Variants in RBMX observed in about 807,000 individuals in gnomAD.
RBMX encodes the protein RNA-binding motif protein, X chromosome.
RBMX carries 1 observed loss-of-function variant against 29.3 expected under a neutral mutation model. That is an observed-to-expected ratio of 0.03 (90% confidence interval 0.01 to 0.16). RBMX has a LOEUF of 0.16. RBMX is among the 10% of genes least tolerant of loss of function. The probability of loss-of-function intolerance (pLI) is 1.00; values close to 1 mark genes in which losing one functional copy is unlikely to be tolerated. For missense variants in RBMX, 121 were observed against 333.2 expected (o/e 0.36, Z 4.96); for synonymous variants, 102 against 102.3 (o/e 1.00, Z 0.02).
chrX:136,869,589 A>T (rs1022729953), downstream of RBMX: 2 of 111,839 alleles, frequency 1.8e-5, no homozygotes, highest in Admixed American at 1.9e-4. Flanking sequence ...ATGGAGTGCA[A>T]AAACCACATA....
chrX:136,872,949 T>C (rs1312055673), downstream of RBMX: 3 of 108,935 alleles, frequency 2.8e-5, no homozygotes, highest in Admixed American at 1.0e-4. Flanking sequence ...AAGGTCTTCA[T>C]CAAAAATGGA....
chrX:136,876,446 C>A, intron 5 of RBMX, 57 bp downstream of exon 5: 1 of 1,092,997 alleles, frequency 9.1e-7, no homozygotes, highest in Non-Finnish European at 1.2e-6. Context: ...GCATCATTCA[C>A]CTCTCAATTC....
chrX:136,876,729 TTTGA>T, intron 4 of RBMX, 74 bp from the exon 5 acceptor site: 2 of 944,307 alleles, frequency 2.1e-6, no homozygotes, highest in Non-Finnish European at 1.4e-6. Flanking sequence ...TTTTTTTTTT[TTTGA>T]GAGTCTCACT....
chrX:136,875,806 GTT>G (rs373439816), intron 5 of RBMX, among the ~76,000 whole-genome samples: 3 of 101,446 alleles, frequency 3.0e-5, no homozygotes, highest in African/African-American at 1.1e-4. Flanking sequence ...TAAAAGTTTT[GTT>G]TTTTTTTTTT....
intron 1 of RBMX, among the ~76,000 whole-genome samples, chrX:136,879,975 C>G (rs772404450): frequency 6.3e-5 from 7 of 111,707 alleles, no homozygotes; most frequent in Non-Finnish European, 1.3e-4. Flanking sequence ...CCCGCCCTAC[C>G]GAAAATTCTA....
At chrX:136,877,888 A>G in intron 4 of RBMX, 27 bp downstream of exon 4, 1 of 1,148,016 alleles carries the variant, frequency 8.7e-7, no homozygotes, top group Non-Finnish European at 1.2e-6. Flanking sequence ...CTTATACACC[A>G]AACCCGAGGT....
chrX:136,872,221 G>C (rs2047134462), downstream of RBMX: 1 of 975,509 alleles, frequency 1.0e-6, no homozygotes, highest in East Asian at 3.4e-5. Context: ...CTAAATGGTA[G>C]TTACACAACA....
At chrX:136,869,625 G>T (rs1483232909), downstream of RBMX, 1 of 111,448 alleles carries the variant, frequency 9.0e-6, no homozygotes, top group African/African-American at 3.3e-5. Flanking sequence ...CTTGTGGTCT[G>T]TGATTAGTAG....
At chrX:136,880,506 CCCG>C (rs1389985540) in intron 1 of RBMX, 88 bp downstream of exon 1, 1 of 111,795 alleles carries the variant, frequency 8.9e-6, no homozygotes, top group Non-Finnish European at 1.9e-5. Context: ...TAAAATGGCG[CCCG>C]CCACCCCCAT....
At chrX:136,876,125 GTTTTTTTTT>G (rs778800086) in intron 5 of RBMX, among the ~76,000 whole-genome samples, 5 of 77,729 alleles carry the variant, frequency 6.4e-5, no homozygotes, top group African/African-American at 2.5e-4. Flanking sequence ...TTTTTTTTTT[GTTTTTTTTT>G]TTTTTTTGGA....
chrX:136,877,110 G>A (rs1042475216), intron 4 of RBMX, among the ~76,000 whole-genome samples: 6 of 109,215 alleles, frequency 5.5e-5, no homozygotes, highest in East Asian at 3.0e-4. Context: ...AGGCCAAGGC[G>A]GGCGGATCAC....
intron 1 of RBMX, 29 bp downstream of exon 1, chrX:136,880,568 A>G (rs1247147207): frequency 8.8e-6 from 1 of 114,013 alleles, no homozygotes; most frequent in Non-Finnish European, 1.9e-5. Flanking sequence ...AGTGTCACGA[A>G]AAACGGACTG....
At chrX:136,878,379 A>G (rs1356974106) in intron 3 of RBMX, among the ~76,000 whole-genome samples, 1 of 111,365 alleles carries the variant, frequency 9.0e-6, no homozygotes, top group Non-Finnish European at 1.9e-5. Context: ...GCTTGTTATC[A>G]AAACTAGTAG....
In RBMX at chrX:136,878,033, T is replaced by C. The variant is rs1349830534; in HGVS notation, c.270A>G (p.Glu90=). ...GTGGAGGCGGTCCACGTCTACCACT[T>C]TCAAATGATGGTTTGGTGGCTTGTT... ...KVEQATKPSF[E]SGRRGPPPPP... The change falls in exon 4 of 9, where the codon GAA becomes GAG. Residue 90 remains glutamate, a synonymous_variant. Transcript: ENST00000320676. 4 of 1,209,554 alleles carry C rather than the reference T, an allele frequency of 3.3e-6. No individual in the cohort carries two copies. The highest frequency in any genetic ancestry group is 3.4e-6 in the Non-Finnish European group (3 of 894,077).
At chrX:136,872,330 G>A (rs2077690354), downstream of RBMX, 1 of 1,165,498 alleles carries the variant, frequency 8.6e-7, no homozygotes, top group South Asian at 1.9e-5. Flanking sequence ...CGACCATAAT[G>A]AGCAAAATCA....
At chrX:136,872,406 G>C (rs1333008722), downstream of RBMX, 1 of 957,539 alleles carries the variant, frequency 1.0e-6, no homozygotes, top group Non-Finnish European at 1.5e-6. Context: ...TTTAAAACTT[G>C]CCTATTACTG....
At chrX:136,878,636 TGGGGGG>T (rs34229732) in intron 3 of RBMX, among the ~76,000 whole-genome samples, 26 of 454 alleles carry the variant, frequency 0.057, 6 homozygotes, top group Middle Eastern at 1. Flanking sequence ...TCCCAGCTAC[TGGGGGG>T]GGGGGGGGGG....
chrX:136,869,639 G>C, downstream of RBMX: 1 of 111,205 alleles, frequency 9.0e-6, no homozygotes, highest in East Asian at 2.8e-4. Context: ...TTAGTAGTAG[G>C]TTGTCAAATG....
downstream of RBMX, chrX:136,869,214 G>C (rs1800150043): frequency 8.9e-6 from 1 of 112,447 alleles, no homozygotes; most frequent in African/African-American, 3.2e-5. Flanking sequence ...GTTTTATTAA[G>C]TTTCAATACA....
Sources: allele counts gnomAD v4.1 joint callset (sites outside exome capture counted in the v4.1 genomes callset), GRCh38; gene constraint gnomAD v4.1.1; transcripts MANE v1.5; gene names NCBI Gene and HGNC (gene_info 2026-07-23, HGNC 2026-07-21).